Variants in PDE5A observed in about 807,000 individuals in gnomAD.
PDE5A encodes the protein phosphodiesterase 5A, also known as cGMP-specific 3',5'-cyclic phosphodiesterase.
Under a neutral mutation model 110.2 loss-of-function variants are expected in PDE5A, and 67 were observed. The ratio of observed to expected loss-of-function variants is 0.61; its 90% confidence interval spans 0.50 to 0.75. The LOEUF is 0.75. Among genes scored for constraint, PDE5A ranks in the 30% least tolerant of loss-of-function variants. The probability of loss-of-function intolerance (pLI) is 0.00; values close to 1 mark genes in which losing one functional copy is unlikely to be tolerated. For missense variants in PDE5A, 862 were observed against 1,045.1 expected (o/e 0.82, Z 2.42); for synonymous variants, 328 against 351.2 (o/e 0.93, Z 0.74).
chr4:119,540,078 G>A (rs1034975911), intron 10 of PDE5A, among the ~76,000 whole-genome samples: 2 of 151,930 alleles, frequency 1.3e-5, no homozygotes, highest in African/African-American at 2.4e-5. Flanking sequence ...TTTAAACCAA[G>A]GTAGTGGTTG....
intron 3 of PDE5A, among the ~76,000 whole-genome samples, chr4:119,591,426 T>G (rs879685613): frequency 1.7e-4 from 26 of 151,850 alleles, no homozygotes; most frequent in Non-Finnish European, 3.8e-4. Context: ...TCCATCCTGG[T>G]TTGTCAGCCA....
At chr4:119,556,039 GA>G (rs1389698169) in intron 7 of PDE5A, among the ~76,000 whole-genome samples, 1 of 152,160 alleles carries the variant, frequency 6.6e-6, no homozygotes. Flanking sequence ...ACTGTCATAG[GA>G]GCTTACAATC....
At chr4:119,517,221 T>C (rs377583959) in intron 14 of PDE5A, 4 of 152,338 alleles carry the variant, frequency 2.6e-5, no homozygotes, top group African/African-American at 9.6e-5. Context: ...CTTTCATCTC[T>C]GTGCATTGTT....
intron 18 of PDE5A, among the ~76,000 whole-genome samples, chr4:119,503,134 C>G (rs1162656127): frequency 6.6e-6 from 1 of 152,030 alleles, no homozygotes; most frequent in Non-Finnish European, 1.5e-5. Context: ...AGTTTTTGAT[C>G]TTGTTTTCTC....
chr4:119,531,906 C>T (rs979632887), intron 11 of PDE5A, among the ~76,000 whole-genome samples: 3 of 152,098 alleles, frequency 2.0e-5, no homozygotes, highest in Non-Finnish European at 4.4e-5. Context: ...CTCTCTAGTA[C>T]CCAATGCTCT....
chr4:119,603,297 C>T (rs1729407532), intron 2 of PDE5A, among the ~76,000 whole-genome samples: 1 of 152,190 alleles, frequency 6.6e-6, no homozygotes, highest in South Asian at 2.1e-4. Flanking sequence ...ATAGCCACTT[C>T]TCGTGCAGTT....
At chr4:119,534,399 T>C (rs1314774086) in intron 11 of PDE5A, among the ~76,000 whole-genome samples, 3 of 152,248 alleles carry the variant, frequency 2.0e-5, no homozygotes, top group African/African-American at 4.8e-5. Flanking sequence ...ACTGTACATG[T>C]GAGGGATCTC....
At chr4:119,506,689 T>C (rs3775843) in intron 16 of PDE5A, among the ~76,000 whole-genome samples, 39,845 of 151,748 alleles carry the variant, frequency 0.26, 5,359 homozygotes, top group East Asian at 0.38. Context: ...CTTGGTAATT[T>C]GATAATCCTT....
intron 11 of PDE5A, among the ~76,000 whole-genome samples, chr4:119,537,263 G>A (rs947021831): frequency 3.3e-5 from 5 of 151,850 alleles, no homozygotes; most frequent in African/African-American, 1.2e-4. Flanking sequence ...CCTCCACTCT[G>A]TTTTACACAA....
At chr4:119,559,161 G>C (rs1296297257) in intron 7 of PDE5A, among the ~76,000 whole-genome samples, 1 of 151,878 alleles carries the variant, frequency 6.6e-6, no homozygotes, top group Non-Finnish European at 1.5e-5. Flanking sequence ...CTACAGAGAG[G>C]GAATGTGGTA....
At chr4:119,516,990 A>G (rs1416643531) in intron 14 of PDE5A, 1 of 152,222 alleles carries the variant, frequency 6.6e-6, no homozygotes, top group East Asian at 1.9e-4. Context: ...CATATATGCC[A>G]CTGGCATACC....
At chr4:119,508,063 T>C (rs1019033157) in intron 15 of PDE5A, among the ~76,000 whole-genome samples, 1 of 152,004 alleles carries the variant, frequency 6.6e-6, no homozygotes, top group Non-Finnish European at 1.5e-5. Context: ...TTAATGGATA[T>C]GAAGAAAGAA....
intron 3 of PDE5A, among the ~76,000 whole-genome samples, chr4:119,580,437 C>A (rs1728550802): frequency 6.6e-6 from 1 of 152,174 alleles, no homozygotes; most frequent in South Asian, 2.1e-4. Flanking sequence ...CAGAAAACAG[C>A]CTGCTGTCTT....
At chr4:119,589,310 T>C (rs888546217) in intron 3 of PDE5A, among the ~76,000 whole-genome samples, 4 of 151,186 alleles carry the variant, frequency 2.6e-5, no homozygotes, top group African/African-American at 9.7e-5. Context: ...GAGTAAGAGT[T>C]AATATTTAGG....
At chr4:119,519,985 T>G (rs1319667350) in intron 13 of PDE5A, among the ~76,000 whole-genome samples, 1 of 152,122 alleles carries the variant, frequency 6.6e-6, no homozygotes, top group Non-Finnish European at 1.5e-5. Context: ...ATCTTCAGAT[T>G]AGGTATATTC....
rs1730419239 is a variant in PDE5A, at chr4:119,627,920, G to C, written c.152+600C>G. The C allele has an allele frequency of 9.7e-6, 4 of 410,930 alleles. No individual in the cohort carries two copies. Among genetic ancestry groups the C allele is most frequent in the South Asian group, 2.0e-4 (2 of 9,962 alleles). 25.5% of individuals were successfully genotyped at this position (410,930 alleles called of 1,614,324 possible). A position where few individuals can be genotyped will look rare whatever the true frequency, so the allele number is the denominator to read the frequency against. ...CTCTACTTTTGGCGGCACAGCCTTC[G>C]GCGGAAAAGCGAGTGAAAGGAGGCG... On this transcript the variant is annotated intron_variant, in intron 1 of 20. Coordinates refer to ENST00000354960, the MANE Select transcript of PDE5A (RefSeq NM_001083.4). This position sits in a 1 kb window ranked among gnomAD's most constrained non-coding sequence, Gnocchi z 4.6.
At chr4:119,504,463 C>G in intron 18 of PDE5A, 73 bp downstream of exon 18, 1 of 1,115,948 alleles carries the variant, frequency 9.0e-7, no homozygotes, top group Non-Finnish European at 1.3e-6. Context: ...TAGGTAGATA[C>G]CTAGTAGTGG....
chr4:119,531,991 C>CT (rs1726558739), intron 11 of PDE5A, among the ~76,000 whole-genome samples: 1 of 152,260 alleles, frequency 6.6e-6, no homozygotes, highest in African/African-American at 2.4e-5. Context: ...ATGGCTGGCT[C>CT]TATCACCAGT....
intron 8 of PDE5A, among the ~76,000 whole-genome samples, chr4:119,553,012 T>C (rs1431142773): frequency 6.6e-6 from 1 of 152,094 alleles, no homozygotes; most frequent in South Asian, 2.1e-4. Flanking sequence ...ATGCACCGTG[T>C]TACAAACCTG....
Sources: gnomAD v4.1 joint callset for allele counts (sites outside exome capture counted in the v4.1 genomes callset) on GRCh38, gnomAD v4.1.1 for gene constraint, Gnocchi (gnomAD v3.1) non-coding constraint, MANE v1.5 for transcripts, NCBI Gene and HGNC (gene_info 2026-07-23, HGNC 2026-07-21) for gene names.